The following BRIP1 variants were observed in gnomAD, a reference collection of about 807,000 sequenced individuals.
BRIP1 encodes the protein BRCA1 interacting DNA helicase 1.
In BRIP1, 88 loss-of-function variants were observed where a neutral mutation model predicts 119.7. The ratio of observed to expected loss-of-function variants is 0.74; its 90% CI spans 0.62 to 0.88. The LOEUF (loss-of-function observed/expected upper bound fraction) is 0.88, where lower values mean the gene tolerates loss of function less well. BRIP1 is among the 40% of genes least tolerant of loss of function. The probability of loss-of-function intolerance (pLI) is 0.00; values close to 1 mark genes in which losing one functional copy is unlikely to be tolerated. For synonymous variants in BRIP1, 443 were observed against 496.5 expected (o/e 0.89, Z 1.43); for missense variants, 1,259 against 1,455.4 (o/e 0.87, Z 2.20).
At chr17:61,785,740 G>A (rs1012822690) in intron 10 of BRIP1, among the ~76,000 whole-genome samples, 2 of 152,030 alleles carry the variant, frequency 1.3e-5, no homozygotes, top group African/African-American at 4.8e-5. Context: ...TTATATCAAA[G>A]CTTAATATCC....
chr17:61,708,002 A>G lies in BRIP1; in HGVS notation c.2492+7949T>C, dbSNP rs57393813. 0.23 allele frequency among the ~76,000 whole-genome samples: 34,518 copies of G among 151,998 alleles called. 4,528 individuals are homozygous for G. The highest frequency in any genetic ancestry group is 0.42 in the Admixed American group (6,434 of 15,254). ...GCTGGGATTACAGGCGTGCGCCACCATACCTGGCTAATTTTTGTATTTTTA... is the reference window on the plus strand; with the variant it reads ...GCTGGGATTACAGGCGTGCGCCACCGTACCTGGCTAATTTTTGTATTTTTA... On this transcript the variant is annotated intron_variant, in intron 17 of 19. Transcript: ENST00000259008. The surrounding 1 kb of genome is among the most constrained non-coding windows in gnomAD (Gnocchi z 4.4).
chr17:61,850,206 G>T (rs1006921517), intron 4 of BRIP1, among the ~76,000 whole-genome samples: 4 of 151,104 alleles, frequency 2.6e-5, no homozygotes. Context: ...AGGTTCAAGC[G>T]ATTCTCCTGC....
rs1053290106 is a variant in BRIP1 at position 61,735,982 on chromosome 17, T to C, written c.2379+7031A>G. ...CACTTGTGACCAATGGAAACTGAGA[T>C]AATAAATGTGTGTTAAGCCACTATG... On this transcript the variant is annotated intron_variant, in intron 16 of 19. Coordinates refer to ENST00000259008, the MANE Select transcript of BRIP1 (RefSeq NM_032043.3). The surrounding 1 kb of genome is among the most constrained non-coding windows in gnomAD (Gnocchi z 4.4). 1.3e-5 allele frequency among the ~76,000 whole-genome samples: 2 copies of C among 151,960 alleles called. No homozygotes were observed. The highest frequency in any genetic ancestry group is 2.1e-4 in the South Asian group (1 of 4,814).
Position 61,825,572 on chromosome 17 carries a change from C to T in BRIP1, c.628-16815G>A, listed in dbSNP as rs1428128731. ...TACTGACATTCCAATTCACCATCAA[C>T]TGTCAAGCTGAGAGCCAAATCAGGA... On this transcript the variant is annotated intron_variant, in intron 6 of 19. Coordinates refer to ENST00000259008, the MANE Select transcript of BRIP1 (RefSeq NM_032043.3). This position sits in a 1 kb window ranked among gnomAD's most constrained non-coding sequence, Gnocchi z 4.1. 1.3e-5 allele frequency among the ~76,000 whole-genome samples: 2 copies of T among 151,334 alleles called. No individual in the cohort carries two copies. The highest frequency in any genetic ancestry group is 1.9e-4 in the East Asian group (1 of 5,160).
chr17:61,718,381 A>G (rs1015403020), intron 16 of BRIP1, among the ~76,000 whole-genome samples: 3 of 152,192 alleles, frequency 2.0e-5, no homozygotes, highest in Admixed American at 1.3e-4. Flanking sequence ...CAAGTACCCC[A>G]TGTGTTATGA....
chr17:61,700,025 G>A lies in BRIP1; in HGVS notation c.2493-6513C>T, dbSNP rs1218952201. 6.6e-6 allele frequency among the ~76,000 whole-genome samples: 1 copy of A among 152,052 alleles called. No homozygotes were observed. The highest frequency in any genetic ancestry group is 1.5e-5 in the Non-Finnish European group (1 of 68,002). ...AGACTTTGTCCCATGCACATGTTTTGTTCTCTTTGCTGACTGTGCTTGGTG... is the reference window on the plus strand; with the variant it reads ...AGACTTTGTCCCATGCACATGTTTTATTCTCTTTGCTGACTGTGCTTGGTG... On this transcript the variant is annotated intron_variant, in intron 17 of 19. Transcript: ENST00000259008. This position sits in a 1 kb window ranked among gnomAD's most constrained non-coding sequence, Gnocchi z 4.1.
rs551473841 is a variant in BRIP1, at chr17:61,770,613, CAAA to C, written c.2097+5785_2097+5787del. On this transcript the variant is annotated intron_variant, in intron 14 of 19. Transcript: ENST00000259008. The surrounding 1 kb of genome is among the most constrained non-coding windows in gnomAD (Gnocchi z 4.7). ...AGATGTAATTTTTATAATAATGACA[CAAA>C]GAAGGTAGGATTAAAAAAACAGCTA... 2.0e-5 allele frequency among the ~76,000 whole-genome samples: 3 copies of C among 151,372 alleles called. No individual in the cohort carries two copies. Among genetic ancestry groups the C allele is most frequent in the South Asian group, 2.1e-4 (1 of 4,788 alleles).
chr17:61,798,142 C>A lies in BRIP1; in HGVS notation c.1340+958G>T, dbSNP rs1469441364. Among the ~76,000 whole-genome samples the A allele has an allele frequency of 1.3e-5, 2 of 151,898 alleles. No individual in the cohort carries two copies. The highest frequency in any genetic ancestry group is 4.8e-5 in the African/African-American group (2 of 41,410). On this transcript the variant is annotated intron_variant, in intron 9 of 19. Coordinates refer to ENST00000259008, the MANE Select transcript of BRIP1 (RefSeq NM_032043.3). The surrounding 1 kb of genome is among the most constrained non-coding windows in gnomAD (Gnocchi z 5.5). ...AGCAAAAAACTAGAAACAACCTCCT[C>A]TATTAATCAGAGGCTGGTTAAATAA... is the stretch of plus-strand genomic sequence containing the variant.
rs1310692915 is a variant in BRIP1 at position 61,789,111 on chromosome 17, T to C, written c.1473+4486A>G. 1.3e-5 allele frequency among the ~76,000 whole-genome samples: 2 copies of C among 151,128 alleles called. No homozygotes were observed. Among genetic ancestry groups the C allele is most frequent in the Non-Finnish European group, 3.0e-5 (2 of 67,710 alleles). ...TTCTGTCTCAAAATAAATAAAAAAA[T>C]AAGTAATTAGCCAGGTGTGGTAATG... is the stretch of plus-strand genomic sequence containing the variant. On this transcript the variant is annotated intron_variant, in intron 10 of 19. Transcript: ENST00000259008. This position sits in a 1 kb window ranked among gnomAD's most constrained non-coding sequence, Gnocchi z 4.8.
rs1286185018 is a variant in BRIP1, at chr17:61,806,084, A to C, written c.918+2383T>G. The stretch of plus-strand genomic sequence containing the variant: ...CTTGGATCAAGCCAAAAAATCAGAA[A>C]GTTTACACTTTAAGGGCAGTTAGAA... On this transcript the variant is annotated intron_variant, in intron 7 of 19. Coordinates refer to ENST00000259008, the MANE Select transcript of BRIP1 (RefSeq NM_032043.3). The surrounding 1 kb of genome is among the most constrained non-coding windows in gnomAD (Gnocchi z 4.9). Among the ~76,000 whole-genome samples, 1 of 152,248 alleles carries C rather than the reference A, an allele frequency of 6.6e-6. No individual in the cohort carries two copies. The highest frequency in any genetic ancestry group is 1.9e-4 in the East Asian group (1 of 5,204).
intron 10 of BRIP1, among the ~76,000 whole-genome samples, chr17:61,790,447 GA>G (rs2077798079): frequency 6.6e-6 from 1 of 152,034 alleles, no homozygotes; most frequent in African/African-American, 2.4e-5. Context: ...TTGGGAGTCT[GA>G]GGCAGGAGAA....
At position 61,847,298 on chromosome 17, in the gene BRIP1, G is replaced by A. The variant is rs571460582; in HGVS notation, c.508-78C>T. The stretch of plus-strand genomic sequence containing the variant: ...CTAGTTGTTCTCAAAGGCCAAAACA[G>A]CTCTATGTATTTTTTTCCTGCATCC... On this transcript the variant is annotated intron_variant, in intron 5 of 19. Transcript: ENST00000259008. The A allele has an allele frequency of 5.4e-6, 8 of 1,490,416 alleles. No individual in the cohort carries two copies. In the Admixed American group the frequency reaches 1.4e-4, roughly 26 times the overall value. The allele number at this position is 1,490,416 out of a possible 1,614,324, so 92.3% of individuals were successfully genotyped here. A position where few individuals can be genotyped will look rare whatever the true frequency, so the allele number is the denominator to read the frequency against.
Position 61,710,332 on chromosome 17 carries a change from C to G in BRIP1, c.2492+5619G>C, listed in dbSNP as rs1392005954. 6.6e-6 allele frequency among the ~76,000 whole-genome samples: 1 copy of G among 152,128 alleles called. No homozygotes were observed. Among genetic ancestry groups the G allele is most frequent in the African/African-American group, 2.4e-5 (1 of 41,428 alleles). On this transcript the variant is annotated intron_variant, in intron 17 of 19. Coordinates refer to ENST00000259008, the MANE Select transcript of BRIP1 (RefSeq NM_032043.3). The surrounding 1 kb of genome is among the most constrained non-coding windows in gnomAD (Gnocchi z 5.4). The stretch of plus-strand genomic sequence containing the variant: ...TCACATTTTTCACTAATTCAACAAG[C>G]ATTTGAGACTTAGTTGGTTGCTGAG...
Position 61,823,511 on chromosome 17 carries a change from G to A in BRIP1, c.628-14754C>T, listed in dbSNP as rs1386834842. 6.6e-6 allele frequency among the ~76,000 whole-genome samples: 1 copy of A among 152,056 alleles called. No individual in the cohort carries two copies. Among genetic ancestry groups the A allele is most frequent in the Non-Finnish European group, 1.5e-5 (1 of 68,020 alleles). The stretch of plus-strand genomic sequence containing the variant: ...AATTAGAAATAGCAGAAGAGATCAA[G>A]GAGCTTGACAAATCGGCAATAGAAG... On this transcript the variant is annotated intron_variant, in intron 6 of 19. Transcript: ENST00000259008. The surrounding 1 kb of genome is among the most constrained non-coding windows in gnomAD (Gnocchi z 4.8).
Position 61,748,284 on chromosome 17 carries a change from C to T in BRIP1, c.2098-3693G>A, listed in dbSNP as rs2077085543. ...TAATGCCTGATGATCTGAGGTGGAA[C>T]AGTTTCATCCCGAAACCATCACCCC... On this transcript the variant is annotated intron_variant, in intron 14 of 19. Coordinates refer to ENST00000259008, the MANE Select transcript of BRIP1 (RefSeq NM_032043.3). The surrounding 1 kb of genome is among the most constrained non-coding windows in gnomAD (Gnocchi z 4.7). Among the ~76,000 whole-genome samples, 1 of 152,128 alleles carries T rather than the reference C, an allele frequency of 6.6e-6. No homozygotes were observed. The highest frequency in any genetic ancestry group is 2.4e-5 in the African/African-American group (1 of 41,438).
rs1340389006 is a variant in BRIP1, at chr17:61,691,919, A to G, written c.2575+1511T>C. On this transcript the variant is annotated intron_variant, in intron 18 of 19. Coordinates refer to ENST00000259008, the MANE Select transcript of BRIP1 (RefSeq NM_032043.3). This position sits in a 1 kb window ranked among gnomAD's most constrained non-coding sequence, Gnocchi z 5.0. ...GGCATAAAGAGAACCATATAAGCCAATGGAACATAATAGAGAGCTCAGAAG... is the reference window on the plus strand; with the variant it reads ...GGCATAAAGAGAACCATATAAGCCAGTGGAACATAATAGAGAGCTCAGAAG... 1.3e-5 allele frequency among the ~76,000 whole-genome samples: 2 copies of G among 152,250 alleles called. No individual in the cohort carries two copies. The highest frequency in any genetic ancestry group is 3.8e-4 in the East Asian group (2 of 5,200).
chr17:61,847,861 A>G (rs1473217160), intron 5 of BRIP1, among the ~76,000 whole-genome samples: 1 of 152,196 alleles, frequency 6.6e-6, no homozygotes, highest in Non-Finnish European at 1.5e-5. Context: ...CCCGCCAAAA[A>G]TGAAATGAGA....
chr17:61,824,037 A>C lies in BRIP1; in HGVS notation c.628-15280T>G, dbSNP rs1603352502. On this transcript the variant is annotated intron_variant, in intron 6 of 19. Transcript: ENST00000259008. The surrounding 1 kb of genome is among the most constrained non-coding windows in gnomAD (Gnocchi z 4.3). Reference sequence around the variant, plus strand: ...ACCATGTTAGCCAGGCTGGTCTCAAACTCCTGACCTCAGGTGATCCACCCG... The same window carrying C: ...ACCATGTTAGCCAGGCTGGTCTCAACCTCCTGACCTCAGGTGATCCACCCG... 6.6e-6 allele frequency among the ~76,000 whole-genome samples: 1 copy of C among 151,774 alleles called. No homozygotes were observed.
chr17:61,747,288 A>G (rs1262811302), intron 14 of BRIP1, among the ~76,000 whole-genome samples: 1 of 152,156 alleles, frequency 6.6e-6, no homozygotes, highest in Non-Finnish European at 1.5e-5. Flanking sequence ...AACAAAGTAA[A>G]TACAAAGTTT....
Sources: gnomAD v4.1 joint callset for allele counts (sites outside exome capture counted in the v4.1 genomes callset) on GRCh38, gnomAD v4.1.1 for gene constraint, Gnocchi (gnomAD v3.1) non-coding constraint, MANE v1.5 for transcripts, NCBI Gene and HGNC (gene_info 2026-07-23, HGNC 2026-07-21) for gene names.